Variants in POLE observed in about 807,000 individuals in gnomAD.
POLE encodes the protein DNA polymerase epsilon catalytic subunit A.
In POLE, 188 loss-of-function variants were observed where a neutral mutation model predicts 279.2. The ratio of observed to expected loss-of-function variants is 0.67; its 90% CI spans 0.60 to 0.76. POLE has a LOEUF of 0.76. Among genes scored for constraint, POLE ranks in the 30% least tolerant of loss-of-function variants. POLE has a pLI of 0.00. For missense variants in POLE, 2,703 were observed against 3,016.7 expected, an observed-to-expected ratio of 0.90 and a Z score of 2.44; for synonymous variants, 1,214 against 1,172.5, an observed-to-expected ratio of 1.04 and a Z score of -0.72.
At position 132,624,635 on chromosome 12, in the gene POLE, G is replaced by T; in HGVS notation, c.*62C>A. ...GTGGTCTGGTCACTGGAAGCACGGG[G>T]ATGTGGCCTTGGCATCAGGAGGCCT... On this transcript the variant is annotated 3_prime_UTR_variant, in exon 49 of 49. Coordinates refer to ENST00000320574, the MANE Select transcript of POLE (RefSeq NM_006231.4). 2.2e-6 allele frequency: 2 copies of T among 920,946 alleles called. No homozygotes were observed. Among genetic ancestry groups the T allele is most frequent in the Non-Finnish European group, 3.6e-6 (2 of 548,852 alleles). The allele number at this position is 920,946 out of a possible 1,614,324, so 57.0% of individuals were successfully genotyped here. A position where few individuals can be genotyped will look rare whatever the true frequency, so the allele number is the denominator to read the frequency against.
rs765484155 is a variant in POLE, at chr12:132,675,445, G to A, written c.1179C>T (p.Ser393=). The A allele has an allele frequency of 6.2e-7, 1 of 1,614,130 alleles. No homozygotes were observed. Among genetic ancestry groups the A allele is most frequent in the Non-Finnish European group, 8.5e-7 (1 of 1,180,006 alleles). ...ACTGGGGCGCCTTGTACTCCCCCTGGCTGTCCTTCTGGAAGCCTATCTCCT... is the reference window on the plus strand; with the variant it reads ...ACTGGGGCGCCTTGTACTCCCCCTGACTGTCCTTCTGGAAGCCTATCTCCT... ...MQQEIGFQKD[S]QGEYKAPQCI... The change falls in exon 12 of 49, where the codon AGC becomes AGT. Residue 393 remains serine, a synonymous_variant. Transcript: ENST00000320574. The surrounding 1 kb of genome is among the most constrained non-coding windows in gnomAD (Gnocchi z 4.3).
Position 132,679,654 on chromosome 12 carries a change from A to G in POLE, c.424-3T>C, listed in dbSNP as rs1555230120. On this transcript the variant is annotated splice_region_variant and splice_polypyrimidine_tract_variant and intron_variant, in intron 5 of 48. Transcript: ENST00000320574. ...TTCAAACCCACCAAGTGATTTGGCTATAATGCGAAGAGATCACGCTCATTG... is the reference window on the plus strand; with the variant it reads ...TTCAAACCCACCAAGTGATTTGGCTGTAATGCGAAGAGATCACGCTCATTG... The G allele has an allele frequency of 6.2e-7, 1 of 1,607,392 alleles. No individual in the cohort carries two copies. The highest frequency in any genetic ancestry group is 8.5e-7 in the Non-Finnish European group (1 of 1,174,162).
intron 16 of POLE, among the ~76,000 whole-genome samples, chr12:132,671,634 A>G (rs1461663546): frequency 7.2e-6 from 1 of 139,328 alleles, no homozygotes; most frequent in African/African-American, 2.7e-5. Flanking sequence ...ATGCCATTGC[A>G]CTCCAGCCCA....
chr12:132,658,881 CAAAA>C (rs1167117347), intron 26 of POLE, among the ~76,000 whole-genome samples: 25 of 33,832 alleles, frequency 7.4e-4, no homozygotes, highest in Non-Finnish European at 1.2e-3. Flanking sequence ...ATATAACCAC[CAAAA>C]AAAAAAAAAA....
chr12:132,672,286 C>A lies in POLE; in HGVS notation c.1723G>T (p.Glu575Ter). 1 of 1,614,240 alleles carries A rather than the reference C, an allele frequency of 6.2e-7. No homozygotes were observed. Among genetic ancestry groups the A allele is most frequent in the Non-Finnish European group, 8.5e-7 (1 of 1,180,046 alleles). ...TCAAGGGCGTGGCGCAAGGTCTTCT[C>A]AACCCGCTGCAGCAGGAAGTCAAAG... The part of the protein sequence containing the change: ...AAFDFLLQRV[E>*]KTLRHALEEE... The change falls in exon 16 of 49, where the codon GAG (glutamate) becomes TAG (stop). Residue 575 changes from glutamate to a stop codon, truncating the protein, a stop_gained. Coordinates refer to ENST00000320574, the MANE Select transcript of POLE (RefSeq NM_006231.4). LOFTEE classifies it high-confidence loss of function.
chr12:132,636,210 C>T (rs920280728), intron 41 of POLE, among the ~76,000 whole-genome samples, 186 bp from the exon 42 acceptor site: 5 of 152,142 alleles, frequency 3.3e-5, no homozygotes, highest in Non-Finnish European at 7.4e-5. Flanking sequence ...AGGAGGCCCA[C>T]CAGGCCCCTG....
rs1593731992 is a variant in POLE at position 132,642,839 on chromosome 12, C to T, written c.4709G>A (p.Arg1570Gln). ...TCTCACCTTGTAGGCGAGCAGGAATCGCTGGATGGCTCTGCAGATGGTCTT... is the reference window on the plus strand; with the variant it reads ...TCTCACCTTGTAGGCGAGCAGGAATTGCTGGATGGCTCTGCAGATGGTCTT... ...DLKTICRAIQ[R>Q]FLLAYKEERR... Residue 1570 changes from arginine to glutamine, a missense_variant, in exon 36 of 49, where the codon CGA (arginine) becomes CAA (glutamine). Physicochemically the swap from Arg to Gln is conservative, Grantham distance 43 (BLOSUM62 1). Around this residue, in one of 5 missense-constraint regions of POLE, gnomAD observed 1,551 missense variants for 1,686.1 expected, o/e 0.92. Transcript: ENST00000320574. 3.7e-6 allele frequency: 6 copies of T among 1,614,046 alleles called. No homozygotes were observed. Among genetic ancestry groups the T allele is most frequent in the East Asian group, 2.2e-5 (1 of 44,888 alleles).
chr12:132,671,574 CAGG>C lies in POLE; in HGVS notation c.1794+638_1794+640del, dbSNP rs552526355. Among the ~76,000 whole-genome samples, 283 of 148,962 alleles carry C rather than the reference CAGG, an allele frequency of 1.9e-3. 17 individuals carry two copies. Among genetic ancestry groups the C allele is most frequent in the African/African-American group, 6.8e-3 (274 of 40,022 alleles). ...ATCCCAGCTACTGGGGAGCCTGAGG[CAGG>C]AGAATTGCTTGAACCCGGGAGGCAG... On this transcript the variant is annotated intron_variant, in intron 16 of 48. Transcript: ENST00000320574.
intron 29 of POLE, among the ~76,000 whole-genome samples, chr12:132,656,143 T>C (rs1456208666): frequency 2.0e-5 from 3 of 151,850 alleles, no homozygotes; most frequent in Non-Finnish European, 2.9e-5. Flanking sequence ...GTGCCTATAA[T>C]CCCAGCTACA....
At chr12:132,658,150 A>ATGTG (rs2042588783) in intron 26 of POLE, 180 bp from the exon 27 acceptor site, 5 of 492,322 alleles carry the variant, frequency 1.0e-5, no homozygotes, top group African/African-American at 3.3e-5. Context: ...GGGGAGTAAC[A>ATGTG]CGTGCGTATG....
chr12:132,664,780 T>TCCTC lies in POLE; in HGVS notation c.2469-322_2469-319dup, dbSNP rs953802334. Among the ~76,000 whole-genome samples the TCCTC allele has an allele frequency of 6.6e-6, 1 of 150,734 alleles. No individual in the cohort carries two copies. The highest frequency in any genetic ancestry group is 1.5e-5 in the Non-Finnish European group (1 of 67,664). On this transcript the variant is annotated intron_variant, in intron 21 of 48. Transcript: ENST00000320574. This position sits in a 1 kb window ranked among gnomAD's most constrained non-coding sequence, Gnocchi z 5.3. Reference sequence around the variant, plus strand: ...ACGCCTTCTCTACTCTCTTCACACCTCCTCCCAAGCCCCATTCTCACCTCC... The same window carrying TCCTC: ...ACGCCTTCTCTACTCTCTTCACACCTCCTCCCTCCCAAGCCCCATTCTCACCTCC...
rs780525568 is a variant in POLE at position 132,639,282 on chromosome 12, C to A, written c.5395G>T (p.Val1799Phe). ...GTGATCTCCTTCACCCAGCCCACGA[C>A]CATGCTCTTCAGGATCCTGAAAGAG... ...SNTFRILKSM[V>F]VGWVKEITQY... Residue 1799 changes from valine to phenylalanine, a missense_variant, in exon 40 of 49, where the codon GTC becomes TTC. Physicochemically the swap from Val to Phe is conservative, Grantham distance 50. Coordinates refer to ENST00000320574, the MANE Select transcript of POLE (RefSeq NM_006231.4). This position sits in a 1 kb window ranked among gnomAD's most constrained non-coding sequence, Gnocchi z 4.7. 6.2e-7 allele frequency: 1 copy of A among 1,614,026 alleles called. No individual in the cohort carries two copies. Among genetic ancestry groups the A allele is most frequent in the Non-Finnish European group, 8.5e-7 (1 of 1,179,944 alleles).
At chr12:132,687,126 T>G in intron 1 of POLE, 128 bp downstream of exon 1, 1 of 443,950 alleles carries the variant, frequency 2.3e-6, no homozygotes, top group Non-Finnish European at 3.4e-6. Flanking sequence ...CCTACCCCAG[T>G]CAGGCGCGGC....
Position 132,624,929 on chromosome 12 carries a change from G to A in POLE, c.6723C>T (p.Asp2241=). 4 of 1,614,084 alleles carry A rather than the reference G, an allele frequency of 2.5e-6. No homozygotes were observed. Among genetic ancestry groups the A allele is most frequent in the Non-Finnish European group, 3.4e-6 (4 of 1,179,968 alleles). The change falls in exon 48 of 49, where the codon GAC becomes GAT. Residue 2241 remains aspartate (D), a synonymous_variant. Coordinates refer to ENST00000320574, the MANE Select transcript of POLE (RefSeq NM_006231.4). ...CCTGGGTGTGGATGGTGAGGGCGAA[G>A]TCTCCCGCGCAGCTGCAGTACACAG... is the stretch of plus-strand genomic sequence containing the variant. The part of the protein sequence containing the change: ...SMPVYCSCAG[D]FALTIHTQVF...
intron 29 of POLE, among the ~76,000 whole-genome samples, chr12:132,654,163 G>T (rs993719251): frequency 6.6e-6 from 1 of 150,986 alleles, no homozygotes; most frequent in Non-Finnish European, 1.5e-5. Flanking sequence ...ATGAGCTAAG[G>T]GTTTTTTTTT....
At position 132,675,571 on chromosome 12, in the gene POLE, C is replaced by A. The variant is rs536665009; in HGVS notation, c.1107-54G>T. The A allele has an allele frequency of 2.5e-4, 410 of 1,608,746 alleles. 1 individual carries two copies. The South Asian group carries it at 4.2e-3, about 17-fold the overall frequency. ...GTGGGCAGGTCAGGCTCTAATGCCC[C>A]TTTCTCCATTCCTCCCTCAGACCCA... On this transcript the variant is annotated intron_variant, in intron 11 of 48. Coordinates refer to ENST00000320574, the MANE Select transcript of POLE (RefSeq NM_006231.4). The surrounding 1 kb of genome is among the most constrained non-coding windows in gnomAD (Gnocchi z 4.3).
intron 45 of POLE, 133 bp from the exon 46 acceptor site, chr12:132,626,450 GC>G (rs1194998011): frequency 2.6e-6 from 2 of 765,952 alleles, no homozygotes; most frequent in Non-Finnish European, 4.2e-6. Context: ...CCCTTTAGAC[GC>G]CTCAGCTGAC....
chr12:132,659,156 A>G (rs2042619560), intron 26 of POLE, 139 bp downstream of exon 26: 1 of 826,014 alleles, frequency 1.2e-6, no homozygotes. Context: ...ATCTGTAAGG[A>G]ACCCCTTACC....
chr12:132,658,184 G>A (rs1293253031), intron 26 of POLE: 8 of 499,602 alleles, frequency 1.6e-5, no homozygotes, highest in African/African-American at 3.9e-5. Context: ...GTGTGTGCAC[G>A]TAAACATGTC....
Sources: allele counts gnomAD v4.1 joint callset (sites outside exome capture counted in the v4.1 genomes callset), GRCh38; gene constraint gnomAD v4.1.1; regional missense constraint gnomAD v4.1.1; non-coding constraint Gnocchi (gnomAD v3.1); transcripts MANE v1.5; gene names NCBI Gene and HGNC (gene_info 2026-07-23, HGNC 2026-07-21).